RPS6KB1: variants seen among roughly 807,000 people sequenced by gnomAD.
RPS6KB1 encodes ribosomal protein S6 kinase B1.
A neutral mutation model predicts 70.2 loss-of-function variants in RPS6KB1; 12 were observed. The ratio of observed to expected loss-of-function variants is 0.17; its 90% CI spans 0.11 to 0.28. The LOEUF is 0.28. RPS6KB1 is among the 10% of genes least tolerant of loss of function. The pLI is 1.00. For synonymous variants in RPS6KB1, 175 were observed against 211.2 expected, an observed-to-expected ratio of 0.83 and a Z score of 1.49; for missense variants, 270 against 646.6, an observed-to-expected ratio of 0.42 and a Z score of 6.32.
chr17:59,947,581 T>C lies in RPS6KB1; in HGVS notation c.*793T>C, dbSNP rs748902570. The stretch of plus-strand genomic sequence containing the variant: ...AATGAATCTATTTAATCATTTCTAC[T>C]TGCAGTACTGCTATGTGCTAAGCTT... On this transcript the variant is annotated 3_prime_UTR_variant, in exon 15 of 15. Transcript: ENST00000225577. 7 of 1,517,522 alleles carry C rather than the reference T, an allele frequency of 4.6e-6. No individual in the cohort carries two copies. The highest frequency in any genetic ancestry group is 1.9e-5 in the Admixed American group (1 of 51,574). The allele number at this position is 1,517,522 out of a possible 1,614,324, so 94.0% of individuals were successfully genotyped here. A position where few individuals can be genotyped will look rare whatever the true frequency, so the allele number is the denominator to read the frequency against.
chr17:59,926,641 G>A (rs535643393), intron 5 of RPS6KB1, 59 bp downstream of exon 5: 253 of 1,356,522 alleles, frequency 1.9e-4, no homozygotes, highest in Non-Finnish European at 2.5e-4. Context: ...GGGTCAAAAT[G>A]TTATTTTTCA....
intron 4 of RPS6KB1, among the ~76,000 whole-genome samples, chr17:59,924,724 T>C (rs1398517743): frequency 1.3e-5 from 2 of 151,964 alleles, no homozygotes; most frequent in Non-Finnish European, 2.9e-5. Flanking sequence ...TCCCCTTTCT[T>C]GTACAAAAGA....
intron 2 of RPS6KB1, 145 bp downstream of exon 2, chr17:59,910,756 A>C: frequency 1.7e-6 from 1 of 597,358 alleles, no homozygotes; most frequent in Non-Finnish European, 2.9e-6. Context: ...TGAATTTGGC[A>C]CCAAAATCTG....
At chr17:59,917,784 A>C (rs985030682) in intron 4 of RPS6KB1, among the ~76,000 whole-genome samples, 1 of 151,082 alleles carries the variant, frequency 6.6e-6, no homozygotes, top group African/African-American at 2.4e-5. Context: ...AGTTCTAGGA[A>C]ATTTTCTTAT....
chr17:59,946,686 A>G lies in RPS6KB1; in HGVS notation c.1476A>G (p.Ala492=). The change falls in exon 15 of 15, where the codon GCA becomes GCG. Residue 492 remains alanine, a synonymous_variant. Coordinates refer to ENST00000225577, the MANE Select transcript of RPS6KB1 (RefSeq NM_003161.4). The surrounding 1 kb of genome is among the most constrained non-coding windows in gnomAD (Gnocchi z 4.2). ...EQMDVTMSGE[A]SAPLPIRQPN... is the part of the protein sequence containing the mutation. ...TGGATGTGACAATGAGTGGGGAAGC[A>G]TCGGCACCACTTCCAATACGACAGC... 1 of 1,614,184 alleles carries G rather than the reference A, an allele frequency of 6.2e-7. No homozygotes were observed. Among genetic ancestry groups the G allele is most frequent in the Non-Finnish European group, 8.5e-7 (1 of 1,180,024 alleles).
At chr17:59,910,321 T>C (rs2042560050) in intron 1 of RPS6KB1, among the ~76,000 whole-genome samples, 1 of 152,124 alleles carries the variant, frequency 6.6e-6, no homozygotes, top group African/African-American at 2.4e-5. Context: ...TTGACTGCAT[T>C]CCAGTCTGGG....
At position 59,934,317 on chromosome 17, in the gene RPS6KB1, T is replaced by C; in HGVS notation, c.779+57T>C. 6.9e-7 allele frequency: 1 copy of C among 1,456,602 alleles called. No homozygotes were observed. 90.2% of individuals were successfully genotyped at this position (1,456,602 alleles called of 1,614,324 possible). A position where few individuals can be genotyped will look rare whatever the true frequency, so the allele number is the denominator to read the frequency against. On this transcript the variant is annotated intron_variant, in intron 8 of 14. Coordinates refer to ENST00000225577, the MANE Select transcript of RPS6KB1 (RefSeq NM_003161.4). The surrounding 1 kb of genome is among the most constrained non-coding windows in gnomAD (Gnocchi z 4.8). ...GGGTAATAGCTAATTTTACCTGTTTTAAGGAATAGTATCTGTTTTCTGTAC... is the reference window on the plus strand; with the variant it reads ...GGGTAATAGCTAATTTTACCTGTTTCAAGGAATAGTATCTGTTTTCTGTAC...
chr17:59,904,424 GC>G (rs60296568), intron 1 of RPS6KB1, among the ~76,000 whole-genome samples: 151,385 of 151,414 alleles, frequency 1, 75,678 homozygotes, highest in Middle Eastern at 1. Flanking sequence ...AGACGGAGCT[GC>G]CTCTATTGCC....
At chr17:59,930,219 C>CAA in intron 6 of RPS6KB1, 45 bp downstream of exon 6, 1 of 1,075,850 alleles carries the variant, frequency 9.3e-7, no homozygotes, top group East Asian at 2.4e-5. Flanking sequence ...TAATTACAAG[C>CAA]AAAGCCCCAT....
At chr17:59,914,851 A>G (rs1331147881) in intron 4 of RPS6KB1, 148 bp downstream of exon 4, 2 of 655,510 alleles carry the variant, frequency 3.1e-6, no homozygotes, top group Non-Finnish European at 5.3e-6. Context: ...ATCTCAAGCC[A>G]GGTACAGTGG....
rs1038718760 is a variant in RPS6KB1 at position 59,946,542 on chromosome 17, G to T, written c.1341-9G>T. 1.9e-6 allele frequency: 3 copies of T among 1,608,832 alleles called. No individual in the cohort carries two copies. The South Asian group carries it at 3.3e-5, about 18-fold the overall frequency. ...AGCAAATGAATGATAGCTCTTCCTT[G>T]TCTTAAAGCCCAGTCAAATTTTCTC... On this transcript the variant is annotated splice_polypyrimidine_tract_variant and intron_variant, in intron 14 of 14. Transcript: ENST00000225577. This position sits in a 1 kb window ranked among gnomAD's most constrained non-coding sequence, Gnocchi z 4.2.
At chr17:59,944,202 C>T (rs576901112) in intron 13 of RPS6KB1, among the ~76,000 whole-genome samples, 30 of 152,170 alleles carry the variant, frequency 2.0e-4, no homozygotes, top group Admixed American at 1.7e-3. Context: ...TCACTCAGAG[C>T]TTTGCTGAGT....
Position 59,940,913 on chromosome 17 carries a change from T to C in RPS6KB1, c.1197T>C (p.Thr399=). ...CTGTCGACAGCCCAGATGACTCAAC[T>C]CTCAGTGAAAGTGCCAATCAGGTCT... ...QTPVDSPDDS[T]LSESANQVFL... The change falls in exon 13 of 15, where the codon ACT becomes ACC. Residue 399 remains threonine (T), a synonymous_variant. Transcript: ENST00000225577. The C allele has an allele frequency of 6.3e-7, 1 of 1,596,702 alleles. No homozygotes were observed. The highest frequency in any genetic ancestry group is 1.7e-4 in the Middle Eastern group (1 of 6,052).
In RPS6KB1 at chr17:59,950,500, TAA is replaced by T. The variant is rs1278782488; in HGVS notation, c.*3714_*3715del. On this transcript the variant is annotated 3_prime_UTR_variant, in exon 15 of 15. Transcript: ENST00000225577. ...ATACGTATCAGGTGTATAAATGGTTTAAATTTATTTTAACATGTCAGATGTGT... is the reference window on the plus strand; with the variant it reads ...ATACGTATCAGGTGTATAAATGGTTTATTTATTTTAACATGTCAGATGTGT... The T allele has an allele frequency of 9.1e-6, 1 of 109,474 alleles. No individual in the cohort carries two copies. Among genetic ancestry groups the T allele is most frequent in the African/African-American group, 4.4e-5 (1 of 22,830 alleles). 6.8% of individuals were successfully genotyped at this position (109,474 alleles called of 1,614,324 possible). A position where few individuals can be genotyped will look rare whatever the true frequency, so the allele number is the denominator to read the frequency against.
intron 1 of RPS6KB1, among the ~76,000 whole-genome samples, chr17:59,904,560 G>C (rs2042153385): frequency 1.3e-5 from 2 of 150,190 alleles, no homozygotes; most frequent in Admixed American, 1.3e-4. Flanking sequence ...CGCCCAGCTA[G>C]TTTTTGTAGT....
In RPS6KB1 at chr17:59,934,906, G is replaced by T; in HGVS notation, c.871-287G>T. ...CCTGTTGCTTAAAAACTGCACGTCT[G>T]CCGGCCACAGTGGTGCATGCCTGTA... On this transcript the variant is annotated intron_variant, in intron 9 of 14. Transcript: ENST00000225577. This position sits in a 1 kb window ranked among gnomAD's most constrained non-coding sequence, Gnocchi z 4.8. The T allele has an allele frequency of 2.8e-6, 1 of 359,430 alleles. No homozygotes were observed. The highest frequency in any genetic ancestry group is 4.0e-5 in the South Asian group (1 of 25,072). The allele number at this position is 359,430 out of a possible 1,614,324, so 22.3% of individuals were successfully genotyped here.
intron 4 of RPS6KB1, among the ~76,000 whole-genome samples, chr17:59,915,505 G>T (rs1464349952): frequency 6.6e-6 from 1 of 151,622 alleles, no homozygotes; most frequent in East Asian, 1.9e-4. Context: ...TCACTCTGTT[G>T]TCCAGGCTGG....
At chr17:59,945,576 T>C (rs1449107595) in intron 14 of RPS6KB1, 58 bp downstream of exon 14, 1 of 917,202 alleles carries the variant, frequency 1.1e-6, no homozygotes, top group Non-Finnish European at 1.8e-6. Flanking sequence ...CAAGAGTGTT[T>C]GCTTAAGAAG....
chr17:59,925,799 T>C (rs1415452030), intron 4 of RPS6KB1, among the ~76,000 whole-genome samples: 1 of 152,146 alleles, frequency 6.6e-6, no homozygotes, highest in Non-Finnish European at 1.5e-5. Context: ...ATTTCTTTCT[T>C]TCTTTTTTGT....
Sources: allele counts gnomAD v4.1 joint callset (sites outside exome capture counted in the v4.1 genomes callset), GRCh38; gene constraint gnomAD v4.1.1; non-coding constraint Gnocchi (gnomAD v3.1); transcripts MANE v1.5; gene names NCBI Gene and HGNC (gene_info 2026-07-23, HGNC 2026-07-21).